The following SRSF10 variants were observed in gnomAD, a reference collection of about 807,000 sequenced individuals.
SRSF10 encodes the protein serine and arginine rich splicing factor 10.
SRSF10 carries 9 observed loss-of-function variants against 32.6 expected under a neutral mutation model. The ratio of observed to expected loss-of-function variants is 0.28; its 90% CI spans 0.17 to 0.48. The LOEUF (loss-of-function observed/expected upper bound fraction) is 0.48, where lower values mean the gene tolerates loss of function less well. SRSF10 is among the 20% of genes least tolerant of loss of function. The pLI is 0.99. For synonymous variants in SRSF10, 105 were observed against 112.4 expected (o/e 0.93, Z 0.42); for missense variants, 201 against 331.8 (o/e 0.61, Z 3.06).
At chr1:23,977,883 AAAG>A (rs1642189813) in intron 2 of SRSF10, 6 of 983,536 alleles carry the variant, frequency 6.1e-6, no homozygotes, top group Non-Finnish European at 7.2e-6. Flanking sequence ...AAAAAAAAAA[AAAG>A]AAAAATAGTT....
chr1:23,970,128 A>G lies in SRSF10; in HGVS notation c.*1014T>C. On this transcript the variant is annotated 3_prime_UTR_variant, in exon 6 of 6. Transcript: ENST00000492112. The stretch of plus-strand genomic sequence containing the variant: ...AACTTTAGAATAACTACATAAGAAT[A>G]TTCCTTTTTCCTTAAAATTATTTTT... The G allele has an allele frequency of 1.0e-6, 1 of 985,364 alleles. No individual in the cohort carries two copies. Among genetic ancestry groups the G allele is most frequent in the Non-Finnish European group, 1.2e-6 (1 of 829,882 alleles). 61.0% of individuals were successfully genotyped at this position (985,364 alleles called of 1,614,324 possible).
chr1:23,972,514 C>T (rs1641827335), intron 3 of SRSF10, among the ~76,000 whole-genome samples: 1 of 151,964 alleles, frequency 6.6e-6, no homozygotes, highest in Non-Finnish European at 1.5e-5. Context: ...AATCTCAACT[C>T]ACTGCAACCT....
At chr1:23,973,779 T>C (rs1184702310) in intron 3 of SRSF10, among the ~76,000 whole-genome samples, 2 of 152,190 alleles carry the variant, frequency 1.3e-5, no homozygotes, top group Non-Finnish European at 2.9e-5. Context: ...AATATTACAG[T>C]TCTAAGACCC....
chr1:23,978,123 AT>A, intron 2 of SRSF10: 1 of 984,808 alleles, frequency 1.0e-6, no homozygotes, highest in Non-Finnish European at 1.2e-6. Flanking sequence ...GCTTTTCTTT[AT>A]TTTTTCTTTT....
rs35973750 is a variant in SRSF10, at chr1:23,968,137, C to T, written c.*3005G>A. ...CACCCAAAACTAACATAAAACACTA[C>T]GTAAAGATCCTCATCAAGTATCAGT... On this transcript the variant is annotated 3_prime_UTR_variant, in exon 6 of 6. Coordinates refer to ENST00000492112, the MANE Select transcript of SRSF10 (RefSeq NM_054016.4). Among the ~76,000 whole-genome samples, 62,739 of 151,786 alleles carry T rather than the reference C, an allele frequency of 0.41. 14,280 individuals carry two copies. Among genetic ancestry groups the T allele is most frequent in the East Asian group, 0.56 (2,896 of 5,158 alleles).
At position 23,980,108 on chromosome 1, in the gene SRSF10, G is replaced by GGCCCAGTGCC. The variant is rs1304314604; in HGVS notation, c.65+73_65+82dup. On this transcript the variant is annotated intron_variant, in intron 1 of 5. Coordinates refer to ENST00000492112, the MANE Select transcript of SRSF10 (RefSeq NM_054016.4). ...CCATCTTCACTCCGTCCCCTCCCCC[G>GGCCCAGTGCC]GCCCAGTGCCGCCACCACCAGGGTC... 4 of 1,393,914 alleles carry GGCCCAGTGCC rather than the reference G, an allele frequency of 2.9e-6. No homozygotes were observed. In the African/African-American group the frequency reaches 6.0e-5, roughly 21 times the overall value. 86.3% of individuals were successfully genotyped at this position (1,393,914 alleles called of 1,614,324 possible). A position where few individuals can be genotyped will look rare whatever the true frequency, so the allele number is the denominator to read the frequency against.
chr1:23,970,815 G>A lies in SRSF10; in HGVS notation c.*327C>T. 1 of 1,072,736 alleles carries A rather than the reference G, an allele frequency of 9.3e-7. No individual in the cohort carries two copies. The highest frequency in any genetic ancestry group is 1.1e-6 in the Non-Finnish European group (1 of 886,356). 66.5% of individuals were successfully genotyped at this position (1,072,736 alleles called of 1,614,324 possible). ...TAACAGTTCTACCAAATATGAATATGAAAGTTTATTTTTAATGAGACAATG... is the reference window on the plus strand; with the variant it reads ...TAACAGTTCTACCAAATATGAATATAAAAGTTTATTTTTAATGAGACAATG... On this transcript the variant is annotated 3_prime_UTR_variant, in exon 6 of 6. Transcript: ENST00000492112.
chr1:23,974,560 C>T (rs962324979), intron 3 of SRSF10, among the ~76,000 whole-genome samples: 3 of 152,140 alleles, frequency 2.0e-5, no homozygotes, highest in African/African-American at 4.8e-5. Context: ...CAGTAGCTCA[C>T]GCCTGTAATC....
intron 2 of SRSF10, 77 bp downstream of exon 2, chr1:23,978,636 T>C: frequency 6.6e-7 from 1 of 1,508,256 alleles, no homozygotes; most frequent in Non-Finnish European, 8.9e-7. Context: ...AACTACTTTT[T>C]AGATGTTACC....
rs1313645832 is a variant in SRSF10, at chr1:23,967,429, C to G, written c.*3713G>C. 2 of 449,508 alleles carry G rather than the reference C, an allele frequency of 4.4e-6. No homozygotes were observed. The highest frequency in any genetic ancestry group is 7.1e-5 in the Admixed American group (2 of 28,130). The allele number at this position is 449,508 out of a possible 1,614,324, so 27.8% of individuals were successfully genotyped here. On this transcript the variant is annotated 3_prime_UTR_variant, in exon 6 of 6. Transcript: ENST00000492112. Reference sequence around the variant, plus strand: ...CCTGTTACCCATGAATCAATATAAACCTATTCATATTTAGGGATTAGTTTC... The same window carrying G: ...CCTGTTACCCATGAATCAATATAAAGCTATTCATATTTAGGGATTAGTTTC...
rs1641562186 is a variant in SRSF10 at position 23,968,381 on chromosome 1, G to GT, written c.*2760dup. Among the ~76,000 whole-genome samples the GT allele has an allele frequency of 6.6e-6, 1 of 152,094 alleles. No homozygotes were observed. The highest frequency in any genetic ancestry group is 1.5e-5 in the Non-Finnish European group (1 of 67,992). ...ATCTACTTCTCTCAAATTATAGTCT[G>GT]TAAAACAAACAAAACCCCCCCAAAA... On this transcript the variant is annotated 3_prime_UTR_variant, in exon 6 of 6. Transcript: ENST00000492112.
chr1:23,967,746 G>A lies in SRSF10; in HGVS notation c.*3396C>T. 3.7e-6 allele frequency: 6 copies of A among 1,611,320 alleles called. No individual in the cohort carries two copies. In the South Asian group the frequency reaches 5.5e-5, roughly 15 times the overall value. On this transcript the variant is annotated 3_prime_UTR_variant, in exon 6 of 6. Coordinates refer to ENST00000492112, the MANE Select transcript of SRSF10 (RefSeq NM_054016.4). ...GGTCTTAAATAAAAGAAGGATGTTTGTCAGTTTGGTTTCCTTTATTCTTCT... is the reference window on the plus strand; with the variant it reads ...GGTCTTAAATAAAAGAAGGATGTTTATCAGTTTGGTTTCCTTTATTCTTCT...
intron 3 of SRSF10, 89 bp downstream of exon 3, chr1:23,974,885 C>A: frequency 3.1e-6 from 3 of 960,862 alleles, no homozygotes; most frequent in Non-Finnish European, 1.6e-6. Context: ...GGGTTTTGAA[C>A]AGAAACACAA....
chr1:23,979,904 G>A (rs35515894), intron 1 of SRSF10, among the ~76,000 whole-genome samples: 72,489 of 151,464 alleles, frequency 0.48, 17,631 homozygotes, highest in South Asian at 0.64. Context: ...GGCCGCGGCG[G>A]GGGGCTGCTC....
intron 1 of SRSF10, 150 bp from the exon 2 acceptor site, chr1:23,978,967 A>T: frequency 2.0e-6 from 1 of 500,568 alleles, no homozygotes; most frequent in Non-Finnish European, 3.5e-6. Context: ...AGACATATGT[A>T]TGGTACAAGG....
Position 23,971,039 on chromosome 1 carries a change from GT to G in SRSF10, c.*102del, listed in dbSNP as rs1641725997. 2 of 1,503,566 alleles carry G rather than the reference GT, an allele frequency of 1.3e-6. No homozygotes were observed. Among genetic ancestry groups the G allele is most frequent in the Non-Finnish European group, 1.8e-6 (2 of 1,131,856 alleles). The allele number at this position is 1,503,566 out of a possible 1,614,324, so 93.1% of individuals were successfully genotyped here. A position where few individuals can be genotyped will look rare whatever the true frequency, so the allele number is the denominator to read the frequency against. On this transcript the variant is annotated 3_prime_UTR_variant, in exon 6 of 6. Coordinates refer to ENST00000492112, the MANE Select transcript of SRSF10 (RefSeq NM_054016.4). ...CCTGGTACAGGGAAAACTAACAAGTGTTTTTTAAGCATCATTGCAACATTGT... is the reference window on the plus strand; with the variant it reads ...CCTGGTACAGGGAAAACTAACAAGTGTTTTTAAGCATCATTGCAACATTGT...
chr1:23,980,304 C>T lies in SRSF10; in HGVS notation c.-49G>A. 1.4e-6 allele frequency: 2 copies of T among 1,397,660 alleles called. No homozygotes were observed. Among genetic ancestry groups the T allele is most frequent in the East Asian group, 3.0e-5 (1 of 32,874 alleles). 86.6% of individuals were successfully genotyped at this position (1,397,660 alleles called of 1,614,324 possible). A position where few individuals can be genotyped will look rare whatever the true frequency, so the allele number is the denominator to read the frequency against. On this transcript the variant is annotated 5_prime_UTR_variant, in exon 1 of 6. Transcript: ENST00000492112. Reference sequence around the variant, plus strand: ...CGCACTAACGGGCTCAGCAAACCGTCCGCGGCTCAGGCGGCCGAGCCTCAG... The same window carrying T: ...CGCACTAACGGGCTCAGCAAACCGTTCGCGGCTCAGGCGGCCGAGCCTCAG...
Position 23,971,849 on chromosome 1 carries a change from C to G in SRSF10, c.437+1G>C. The G allele has an allele frequency of 6.2e-7, 1 of 1,601,260 alleles. No homozygotes were observed. ...ATCACTGTGCTACACAGCACACTTA[C>G]TTTCTAGGACTATACGATCTTCTAT... On this transcript the variant is annotated splice_donor_variant, in intron 4 of 5. Coordinates refer to ENST00000492112, the MANE Select transcript of SRSF10 (RefSeq NM_054016.4). LOFTEE classifies it high-confidence loss of function.
intron 2 of SRSF10, chr1:23,978,016 T>G: frequency 6.1e-6 from 6 of 985,466 alleles, no homozygotes; most frequent in Non-Finnish European, 7.2e-6. Flanking sequence ...TGGCCAAATA[T>G]GACAGATGGC....
Sources: gnomAD v4.1 joint callset for allele counts (sites outside exome capture counted in the v4.1 genomes callset) on GRCh38, gnomAD v4.1.1 for gene constraint, MANE v1.5 for transcripts, NCBI Gene and HGNC (gene_info 2026-07-23, HGNC 2026-07-21) for gene names.